DHRS4: variants seen among roughly 807,000 people sequenced by gnomAD.
The protein encoded by DHRS4 is dehydrogenase/reductase 4, also known as dehydrogenase/reductase SDR family member 4.
In DHRS4, 20 loss-of-function variants were observed where a neutral mutation model predicts 28.4. The ratio of observed to expected loss-of-function variants is 0.71; its 90% confidence interval spans 0.50 to 1.02. The LOEUF (loss-of-function observed/expected upper bound fraction) is 1.02, where lower values mean the gene tolerates loss of function less well. Among genes scored for constraint, DHRS4 ranks in the 50% least tolerant of loss-of-function variants. The probability of loss-of-function intolerance (pLI) is 0.00; values close to 1 mark genes in which losing one functional copy is unlikely to be tolerated. For synonymous variants in DHRS4, 144 were observed against 146.4 expected (o/e 0.98, Z 0.12); for missense variants, 378 against 367.2 (o/e 1.03, Z -0.24).
chr14:23,966,096 C>G (rs2033605829), intron 5 of DHRS4, 113 bp downstream of exon 5: 32 of 1,601,334 alleles, frequency 2.0e-5, no homozygotes, highest in Non-Finnish European at 2.7e-5. Flanking sequence ...CACCAAGTCC[C>G]TGCCCACAAA....
rs146535891 is a variant in DHRS4 at position 23,953,782 on chromosome 14, C to G, written c.-7C>G. Reference sequence around the variant, plus strand: ...AAGAGTGGAACCCATACTTGCTGGTCTGATCCATGCACAAGGCGGGGCTGC... The same window carrying G: ...AAGAGTGGAACCCATACTTGCTGGTGTGATCCATGCACAAGGCGGGGCTGC... On this transcript the variant is annotated 5_prime_UTR_variant, in exon 1 of 8. Transcript: ENST00000313250. 16,237 of 1,613,970 alleles carry G rather than the reference C, an allele frequency of 0.01. 104 individuals are homozygous for G. Among genetic ancestry groups the G allele is most frequent in the Non-Finnish European group, 0.012 (14,109 of 1,179,932 alleles).
intron 2 of DHRS4, among the ~76,000 whole-genome samples, chr14:23,957,564 T>G (rs796308359): frequency 2.0e-5 from 3 of 151,742 alleles, no homozygotes; most frequent in African/African-American, 4.8e-5. Context: ...TTCCTTTTTT[T>G]TTTTTTTCCA....
chr14:23,962,534 C>T (rs1225571296), intron 3 of DHRS4, among the ~76,000 whole-genome samples: 1 of 151,864 alleles, frequency 6.6e-6, no homozygotes, highest in African/African-American at 2.4e-5. Context: ...GCTCCTCAGC[C>T]ATCTACATTT....
At chr14:23,956,112 G>C (rs927135608) in intron 2 of DHRS4, among the ~76,000 whole-genome samples, 3 of 152,168 alleles carry the variant, frequency 2.0e-5, no homozygotes, top group African/African-American at 7.2e-5. Flanking sequence ...CATTTTTAAG[G>C]AACTGTCTGG....
At chr14:23,954,900 C>T (rs1328218535) in intron 1 of DHRS4, 135 bp from the exon 2 acceptor site, 31 of 1,443,236 alleles carry the variant, frequency 2.1e-5, no homozygotes, top group Non-Finnish European at 2.9e-5. Flanking sequence ...CTGTTTTACA[C>T]ATAGTAGGCA....
At chr14:23,958,395 A>G (rs1263704985) in intron 2 of DHRS4, among the ~76,000 whole-genome samples, 2 of 152,202 alleles carry the variant, frequency 1.3e-5, no homozygotes, top group Admixed American at 1.3e-4. Context: ...TGCCCAAGGC[A>G]TCAAAATTGC....
In DHRS4 at chr14:23,962,690, G is replaced by C. The variant is rs538064194; in HGVS notation, c.408+2687G>C. Among the ~76,000 whole-genome samples, 529 of 151,422 alleles carry C rather than the reference G, an allele frequency of 3.5e-3. 12 individuals are homozygous for C. Among genetic ancestry groups the C allele is most frequent in the African/African-American group, 0.012 (503 of 40,778 alleles). On this transcript the variant is annotated intron_variant, in intron 3 of 7. Transcript: ENST00000313250. ...TGAGGGTTGGAATCAACTTCTTCCA[G>C]ACTCCTGTTAATGTAGATATTTTGA...
At chr14:23,965,692 C>T in intron 3 of DHRS4, 70 bp from the exon 4 acceptor site, 1 of 1,303,268 alleles carries the variant, frequency 7.7e-7, no homozygotes, top group Non-Finnish European at 1.1e-6. Flanking sequence ...CCCACTCTAA[C>T]TCCTCATTTT....
intron 2 of DHRS4, among the ~76,000 whole-genome samples, chr14:23,957,501 C>T (rs887019663): frequency 1.1e-4 from 17 of 151,728 alleles, no homozygotes; most frequent in South Asian, 8.3e-4. Context: ...ACAAACAGCT[C>T]CTAACCGCTT....
rs146577513 is a variant in DHRS4 at position 23,956,391 on chromosome 14, T to C, written c.306+1179T>C. 3.8e-3 allele frequency among the ~76,000 whole-genome samples: 572 copies of C among 152,246 alleles called. 5 individuals carry two copies. Among genetic ancestry groups the C allele is most frequent in the African/African-American group, 0.013 (548 of 41,524 alleles). On this transcript the variant is annotated intron_variant, in intron 2 of 7. Coordinates refer to ENST00000313250, the MANE Select transcript of DHRS4 (RefSeq NM_021004.4). ...GCCTACAGGCCTGGCCCAGAGGTGG[T>C]ACTTGAGCTAAACCTTAAGGAATGG...
chr14:23,964,044 A>G (rs1013109521), intron 3 of DHRS4, among the ~76,000 whole-genome samples: 2 of 151,110 alleles, frequency 1.3e-5, no homozygotes, highest in Admixed American at 6.6e-5. Context: ...CCCCAAAACA[A>G]TTATAATAAA....
intron 2 of DHRS4, among the ~76,000 whole-genome samples, chr14:23,956,814 G>T (rs1415489351): frequency 1.3e-5 from 2 of 152,086 alleles, no homozygotes; most frequent in Non-Finnish European, 1.5e-5. Flanking sequence ...ATGTTGGCCA[G>T]GCTGGTCTTG....
rs571633413 is a variant in DHRS4, at chr14:23,968,837, T to C, written c.803T>C (p.Val268Ala). The change falls in exon 8 of 8, where the codon GTG (valine) becomes GCG (alanine). Residue 268 changes from valine to alanine, a missense_variant. Val to Ala is a moderately conservative substitution (Grantham distance 64). Coordinates refer to ENST00000313250, the MANE Select transcript of DHRS4 (RefSeq NM_021004.4). Reference sequence around the variant, plus strand: ...GCCAGCTACATCACTGGGGAAACAGTGGTGGTGGGTGGAGGAACCCCGTCC... The same window carrying C: ...GCCAGCTACATCACTGGGGAAACAGCGGTGGTGGGTGGAGGAACCCCGTCC... ...EDASYITGETVVVGGGTPSRL is the reference protein window; with the variant it reads ...EDASYITGETAVVGGGTPSRL 2.9e-5 allele frequency: 47 copies of C among 1,610,364 alleles called. No individual in the cohort carries two copies. In the East Asian group the frequency reaches 1.0e-3, roughly 35 times the overall value.
At chr14:23,953,953 G>T (rs1369201205) in intron 1 of DHRS4, 37 bp downstream of exon 1, 1 of 1,555,694 alleles carries the variant, frequency 6.4e-7, no homozygotes, top group Admixed American at 1.9e-5. Context: ...GGCCCTGGCT[G>T]CCTGGAAACA....
In DHRS4 at chr14:23,966,566, C is replaced by G; in HGVS notation, c.666+149C>G. Reference sequence around the variant, plus strand: ...CCATATTCCCTCTCTGTACCACCTGCCCTATACAAGCCACACTCTTATCAC... The same window carrying G: ...CCATATTCCCTCTCTGTACCACCTGGCCTATACAAGCCACACTCTTATCAC... On this transcript the variant is annotated intron_variant, in intron 6 of 7. Transcript: ENST00000313250. 3 of 1,340,654 alleles carry G rather than the reference C, an allele frequency of 2.2e-6. No homozygotes were observed. The South Asian group carries it at 4.2e-5, about 19-fold the overall frequency. The allele number at this position is 1,340,654 out of a possible 1,614,324, so 83.0% of individuals were successfully genotyped here.
intron 3 of DHRS4, among the ~76,000 whole-genome samples, chr14:23,961,572 G>T (rs1233214417): frequency 1.6e-5 from 2 of 125,272 alleles, no homozygotes; most frequent in East Asian, 5.0e-4. Flanking sequence ...AGGCTAGAGG[G>T]CTGTGGTGTG....
intron 7 of DHRS4, chr14:23,967,499 G>A: frequency 1.3e-6 from 1 of 771,864 alleles, no homozygotes; most frequent in East Asian, 2.7e-5. Context: ...AGAGCTCTGG[G>A]AGAAGCCCTG....
intron 2 of DHRS4, among the ~76,000 whole-genome samples, chr14:23,957,056 G>T (rs977651205): frequency 2.6e-5 from 4 of 152,178 alleles, no homozygotes; most frequent in Non-Finnish European, 4.4e-5. Context: ...CTGGTAGGAA[G>T]GATATACAGA....
chr14:23,954,187 C>T, intron 1 of DHRS4: 2 of 386,848 alleles, frequency 5.2e-6, no homozygotes, highest in African/African-American at 2.1e-5. Flanking sequence ...GTGTTCTGGG[C>T]TGCCCCAGTC....
Sources: allele counts gnomAD v4.1 joint callset (sites outside exome capture counted in the v4.1 genomes callset), GRCh38; gene constraint gnomAD v4.1.1; transcripts MANE v1.5; gene names NCBI Gene and HGNC (gene_info 2026-07-23, HGNC 2026-07-21).